Variants in ABCB4 observed in about 807,000 individuals in gnomAD.
ABCB4 encodes ATP binding cassette subfamily B member 4.
In ABCB4, 76 loss-of-function variants were observed where a neutral mutation model predicts 145.7. That is an observed-to-expected ratio of 0.52 (90% CI 0.43 to 0.63). The LOEUF (loss-of-function observed/expected upper bound fraction) is 0.63, where lower values mean the gene tolerates loss of function less well. Ranked by LOEUF, ABCB4 falls within the 30% of genes least tolerant of loss-of-function variation. The pLI is 0.00. For missense variants in ABCB4, 1,234 were observed against 1,553.1 expected (o/e 0.79, Z 3.45); for synonymous variants, 517 against 566.8 (o/e 0.91, Z 1.25).
chr7:87,373,996 A>G, the ABCB4 span, among the ~76,000 whole-genome samples: 1 of 152,152 alleles, frequency 6.6e-6, no homozygotes, highest in Non-Finnish European at 1.5e-5. Context: ...TTAATGGGAC[A>G]TTATTGGTGA....
At chr7:87,459,202 C>T (rs1162117395) in intron 4 of ABCB4, among the ~76,000 whole-genome samples, 2 of 152,128 alleles carry the variant, frequency 1.3e-5, no homozygotes, top group South Asian at 2.1e-4. Context: ...GTGTACAGTT[C>T]AGTACTGTTA....
At chr7:87,449,828 C>G in intron 8 of ABCB4, 140 bp downstream of exon 8, 2 of 1,229,550 alleles carry the variant, frequency 1.6e-6, no homozygotes, top group Non-Finnish European at 2.3e-6. Flanking sequence ...TCAACTATAG[C>G]CATCAGTAAA....
chr7:87,473,726 A>AATGT (rs1813602607), intron 2 of ABCB4, among the ~76,000 whole-genome samples: 1 of 150,008 alleles, frequency 6.7e-6, no homozygotes, highest in South Asian at 2.1e-4. Flanking sequence ...TCTATGAGGG[A>AATGT]GTGTGTGTGT....
chr7:87,444,598 G>A (rs987442075), intron 10 of ABCB4, among the ~76,000 whole-genome samples: 3 of 152,068 alleles, frequency 2.0e-5, no homozygotes, highest in Non-Finnish European at 4.4e-5. Flanking sequence ...GAAGAGAAAC[G>A]TCTTTGCTCT....
rs528068362 is a variant in ABCB4, at chr7:87,469,453, G to C, written c.135+3168C>G. On this transcript the variant is annotated intron_variant, in intron 3 of 27. Coordinates refer to ENST00000649586, the MANE Select transcript of ABCB4 (RefSeq NM_000443.4). ...AACTGTCCCTGTTTGCAGATGACAT[G>C]ACTGTATATCTAGAAAACCCCATTG... Among the ~76,000 whole-genome samples the C allele has an allele frequency of 3.3e-5, 5 of 152,300 alleles. No homozygotes were observed. The South Asian group carries it at 1.0e-3, about 32-fold the overall frequency.
intron 6 of ABCB4, 93 bp from the exon 7 acceptor site, chr7:87,451,887 T>C: frequency 8.1e-7 from 1 of 1,234,860 alleles, no homozygotes; most frequent in South Asian, 1.2e-5. Flanking sequence ...AAGTAAAATT[T>C]GTTCACTGAC....
chr7:87,466,097 C>A (rs1379911535), intron 3 of ABCB4, among the ~76,000 whole-genome samples: 2 of 152,154 alleles, frequency 1.3e-5, no homozygotes, highest in Non-Finnish European at 2.9e-5. Context: ...GATCAAACTT[C>A]TCTGAGCTAA....
intron 2 of ABCB4, among the ~76,000 whole-genome samples, 174 bp downstream of exon 2, chr7:87,475,212 G>A (rs1217540303): frequency 6.6e-6 from 1 of 152,164 alleles, no homozygotes; most frequent in African/African-American, 2.4e-5. Flanking sequence ...CATTCTTTGA[G>A]GCCACACAAC....
the ABCB4 span, among the ~76,000 whole-genome samples, chr7:87,389,438 C>T: frequency 6.6e-6 from 1 of 152,104 alleles, no homozygotes; most frequent in South Asian, 2.1e-4. Flanking sequence ...GAATACTATG[C>T]AGCCATAAAA....
Position 87,423,961 on chromosome 7 carries a change from A to G in ABCB4, c.2156T>C (p.Ile719Thr). 1 of 1,614,108 alleles carries G rather than the reference A, an allele frequency of 6.2e-7. No homozygotes were observed. Among genetic ancestry groups the G allele is most frequent in the Non-Finnish European group, 8.5e-7 (1 of 1,179,992 alleles). The change falls in exon 17 of 28, where the codon ATT becomes ACT. Residue 719 changes from isoleucine (I) to threonine (T), a missense_variant. By Grantham distance (89) the Ile-to-Thr change is moderately conservative (BLOSUM62 -1). This residue lies in a region of ABCB4 where 321 missense variants were observed against 332.6 expected (regional missense o/e 0.97). Coordinates refer to ENST00000649586, the MANE Select transcript of ABCB4 (RefSeq NM_000443.4). Reference sequence around the variant, plus strand: ...TGCCGGCTGAAGCCCCCCATTGGCAATGGCACATACTGTTCCCACGACAAA... The same window carrying G: ...TGCCGGCTGAAGCCCCCCATTGGCAGTGGCACATACTGTTCCCACGACAAA... ...PYFVVGTVCA[I>T]ANGGLQPAFS...
intron 14 of ABCB4, among the ~76,000 whole-genome samples, chr7:87,438,617 C>T (rs563228301): frequency 1.1e-3 from 164 of 152,060 alleles, no homozygotes; most frequent in African/African-American, 3.8e-3. Flanking sequence ...GGTGTGGTGG[C>T]GCACACCTGC....
At chr7:87,418,709 G>C (rs770481890) in intron 19 of ABCB4, 89 bp from the exon 20 acceptor site, 8 of 1,235,804 alleles carry the variant, frequency 6.5e-6, no homozygotes, top group Non-Finnish European at 8.2e-6. Flanking sequence ...CAATGCTGAG[G>C]AAATTTAGGG....
the ABCB4 span, chr7:87,393,129 T>G: frequency 2.6e-6 from 4 of 1,526,150 alleles, no homozygotes; most frequent in African/African-American, 5.6e-5. Context: ...ACTTTTGTTT[T>G]TAAATGCCTT....
the ABCB4 span, chr7:87,382,676 T>G: frequency 2.4e-6 from 2 of 820,336 alleles, no homozygotes; most frequent in Non-Finnish European, 3.8e-6. Flanking sequence ...CTATTTGTAC[T>G]TCCATCAATA....
chr7:87,443,545 G>T, intron 11 of ABCB4, 101 bp from the exon 12 acceptor site: 1 of 1,552,584 alleles, frequency 6.4e-7, no homozygotes, highest in Non-Finnish European at 8.8e-7. Context: ...ATCAAATAAG[G>T]GAATATAACC....
intron 10 of ABCB4, among the ~76,000 whole-genome samples, chr7:87,444,636 A>C (rs1811221193): frequency 6.6e-6 from 1 of 152,196 alleles, no homozygotes; most frequent in African/African-American, 2.4e-5. Flanking sequence ...CTTTTCCAAA[A>C]TGAGATCAGT....
chr7:87,410,067 T>TA (rs1562952308), intron 23 of ABCB4, among the ~76,000 whole-genome samples: 1 of 152,104 alleles, frequency 6.6e-6, no homozygotes, highest in Non-Finnish European at 1.5e-5. Flanking sequence ...CCCCTGAACC[T>TA]AAAATAAAAG....
At chr7:87,398,360 C>T (rs1389387685), downstream of ABCB4, 1 of 818,346 alleles carries the variant, frequency 1.2e-6, no homozygotes, top group East Asian at 2.6e-5. Context: ...GCATTATCTA[C>T]AGATATGGCT....
chr7:87,455,964 G>A (rs1365272456), intron 4 of ABCB4, among the ~76,000 whole-genome samples: 5 of 152,152 alleles, frequency 3.3e-5, no homozygotes, highest in African/African-American at 1.2e-4. Context: ...AATTTCTACT[G>A]ATGTTCACAG....
Sources: allele counts gnomAD v4.1 joint callset (sites outside exome capture counted in the v4.1 genomes callset), GRCh38; gene constraint gnomAD v4.1.1; regional missense constraint gnomAD v4.1.1; transcripts MANE v1.5; gene names NCBI Gene and HGNC (gene_info 2026-07-23, HGNC 2026-07-21).